EPB41L3: variants seen among roughly 807,000 people sequenced by gnomAD.
EPB41L3 encodes erythrocyte membrane protein band 4.1 like 3, also known as band 4.1-like protein 3.
Under a neutral mutation model 127.1 loss-of-function variants are expected in EPB41L3, and 57 were observed. The ratio of observed to expected loss-of-function variants is 0.45; its 90% CI spans 0.36 to 0.56. The LOEUF (loss-of-function observed/expected upper bound fraction) is 0.56, where lower values mean the gene tolerates loss of function less well. Among genes scored for constraint, EPB41L3 ranks in the 20% least tolerant of loss-of-function variants. The probability of loss-of-function intolerance (pLI) is 0.00; values close to 1 mark genes in which losing one functional copy is unlikely to be tolerated. For missense variants in EPB41L3, 1,273 were observed against 1,372.2 expected (o/e 0.93, Z 1.14); for synonymous variants, 572 against 549.5 (o/e 1.04, Z -0.57).
intron 12 of EPB41L3, among the ~76,000 whole-genome samples, chr18:5,419,493 A>G (rs1215513589): frequency 6.6e-6 from 1 of 152,246 alleles, no homozygotes; most frequent in Non-Finnish European, 1.5e-5. Context: ...ATAGCACACA[A>G]GTTATTAAAA....
intron 3 of EPB41L3, among the ~76,000 whole-genome samples, chr18:5,447,287 C>CA (rs1284378653): frequency 6.6e-6 from 1 of 152,100 alleles, no homozygotes; most frequent in Admixed American, 6.5e-5. Flanking sequence ...TGGTGGCTGA[C>CA]AAACAGTAGA....
chr18:5,563,905 A>G (rs1395534017), intron 3 of EPB41L3, among the ~76,000 whole-genome samples: 1 of 152,236 alleles, frequency 6.6e-6, no homozygotes, highest in African/African-American at 2.4e-5. Context: ...ACTAGGGAGA[A>G]GTTAAGACTC....
chr18:5,431,815 CTGTT>C (rs1407407713), intron 8 of EPB41L3, among the ~76,000 whole-genome samples: 4 of 152,110 alleles, frequency 2.6e-5, no homozygotes, highest in African/African-American at 9.7e-5. Flanking sequence ...ATCTTAATGT[CTGTT>C]CTTATTTTCA....
At chr18:5,472,516 A>G (rs893045597) in intron 3 of EPB41L3, among the ~76,000 whole-genome samples, 1 of 152,232 alleles carries the variant, frequency 6.6e-6, no homozygotes, top group Non-Finnish European at 1.5e-5. Context: ...TTACAGAGCT[A>G]CGTGGAATCA....
At position 5,406,972 on chromosome 18, in the gene EPB41L3, T is replaced by C. The variant is rs751954505; in HGVS notation, c.2158-4A>G. On this transcript the variant is annotated splice_polypyrimidine_tract_variant and splice_region_variant and intron_variant, in intron 15 of 22. Transcript: ENST00000341928. ...CATCTTGAGTTTTTTCTAGCTCCTA[T>C]ATTCAGAACATAAAGTATCCAACAG... The C allele has an allele frequency of 1.9e-6, 3 of 1,613,260 alleles. No homozygotes were observed. Among genetic ancestry groups the C allele is most frequent in the South Asian group, 2.2e-5 (2 of 91,076 alleles).
At chr18:5,570,281 CTGAG>C (rs1190756066) in intron 3 of EPB41L3, 1 of 152,148 alleles carries the variant, frequency 6.6e-6, no homozygotes, top group Non-Finnish European at 1.5e-5. Context: ...GACTTTCCCT[CTGAG>C]TAAGAAGGAC....
intron 1 of EPB41L3, among the ~76,000 whole-genome samples, chr18:5,616,165 C>T (rs2094792659): frequency 6.6e-6 from 1 of 152,098 alleles, no homozygotes. Context: ...AGCTGTTACC[C>T]CGGCTCCTGC....
intron 3 of EPB41L3, among the ~76,000 whole-genome samples, chr18:5,554,124 A>G (rs2094002068): frequency 4.6e-5 from 7 of 152,212 alleles, no homozygotes; most frequent in Admixed American, 4.6e-4. Context: ...AGTAAAAGCA[A>G]AACTGTGACG....
intron 3 of EPB41L3, among the ~76,000 whole-genome samples, chr18:5,457,859 G>C (rs1728163594): frequency 6.6e-6 from 1 of 152,060 alleles, no homozygotes; most frequent in Non-Finnish European, 1.5e-5. Context: ...TGAACTGCAG[G>C]ACTAGGTTAC....
intron 3 of EPB41L3, among the ~76,000 whole-genome samples, chr18:5,562,119 G>A (rs1021192888): frequency 1.6e-4 from 25 of 152,106 alleles, no homozygotes; most frequent in South Asian, 4.1e-4. Context: ...GAAAAATTGC[G>A]AGATCTGAAC....
chr18:5,480,791 T>C (rs2088313513), intron 2 of EPB41L3: 1 of 152,232 alleles, frequency 6.6e-6, no homozygotes, highest in Non-Finnish European at 1.5e-5. Context: ...TCTCTTGTTT[T>C]GTATCTGACT....
intron 5 of EPB41L3, among the ~76,000 whole-genome samples, chr18:5,440,274 C>A (rs2080486272): frequency 1.3e-5 from 2 of 151,956 alleles, no homozygotes; most frequent in African/African-American, 2.4e-5. Flanking sequence ...GGTTATAACA[C>A]ACAAAAAACA....
intron 3 of EPB41L3, among the ~76,000 whole-genome samples, chr18:5,583,395 G>C (rs1168417684): frequency 1.3e-5 from 2 of 152,164 alleles, no homozygotes; most frequent in Non-Finnish European, 2.9e-5. Context: ...AAAGCCCACA[G>C]CCCCAGTCAT....
At chr18:5,401,597 T>C (rs1490033097) in intron 16 of EPB41L3, among the ~76,000 whole-genome samples, 1 of 152,064 alleles carries the variant, frequency 6.6e-6, no homozygotes, top group Non-Finnish European at 1.5e-5. Flanking sequence ...TGCCCACAAA[T>C]AAAGAAAAAA....
chr18:5,580,470 A>G lies in EPB41L3; in HGVS notation c.-306+31870T>C, dbSNP rs182680420. On this transcript the variant is annotated intron_variant, in intron 3 of 21. Transcript: ENST00000545076. ...TGTATAGATGCACTCACAAATATAT[A>G]GATACAGACTCATATGCACATATAG... Among the ~76,000 whole-genome samples, 30 of 152,326 alleles carry G rather than the reference A, an allele frequency of 2.0e-4. No homozygotes were observed. The East Asian group carries it at 4.6e-3, about 24-fold the overall frequency.
At chr18:5,580,189 C>T (rs1373605956) in intron 3 of EPB41L3, among the ~76,000 whole-genome samples, 1 of 152,116 alleles carries the variant, frequency 6.6e-6, no homozygotes, top group Admixed American at 6.5e-5. Flanking sequence ...TATACATATA[C>T]TCTCATGTAT....
At position 5,406,777 on chromosome 18, in the gene EPB41L3, C is replaced by A; in HGVS notation, c.2349G>T (p.Glu783Asp). ...TCTGACCACAAACCTGACTACTGAC[C>A]TCTTCAGGGACAAGTGGTTCGATCA... ...APMIEPLVPE[E>D]TKQSSGEKLM... The change falls in exon 16 of 23, where the codon GAG (glutamate) becomes GAT (aspartate). Residue 783 changes from glutamate (E) to aspartate (D), a missense_variant and splice_region_variant. Glu to Asp is a conservative substitution (Grantham distance 45). This residue lies in a region of EPB41L3 where 765 missense variants were observed against 782.9 expected (regional missense o/e 0.98). Transcript: ENST00000341928. 1.2e-6 allele frequency: 2 copies of A among 1,612,632 alleles called. No individual in the cohort carries two copies. The highest frequency in any genetic ancestry group is 1.7e-6 in the Non-Finnish European group (2 of 1,178,990).
At chr18:5,438,959 T>G (rs1266105838) in intron 5 of EPB41L3, among the ~76,000 whole-genome samples, 1 of 152,190 alleles carries the variant, frequency 6.6e-6, no homozygotes, top group Non-Finnish European at 1.5e-5. Context: ...ATATGGTTTA[T>G]CAATATAAAC....
intron 1 of EPB41L3, 100 bp from the exon 2 acceptor site, chr18:5,489,294 A>G (rs1258696004): frequency 1.0e-5 from 14 of 1,370,544 alleles, no homozygotes; most frequent in South Asian, 1.4e-5. Flanking sequence ...AGAGAACCAC[A>G]GAGAGGGAGA....
Sources: allele counts gnomAD v4.1 joint callset (sites outside exome capture counted in the v4.1 genomes callset), GRCh38; gene constraint gnomAD v4.1.1; regional missense constraint gnomAD v4.1.1; transcripts MANE v1.5; gene names NCBI Gene and HGNC (gene_info 2026-07-23, HGNC 2026-07-21).